Variants in TTLL6 observed in about 807,000 individuals in gnomAD.
TTLL6 encodes the protein tubulin tyrosine ligase like 6.
Under a neutral mutation model 96.4 loss-of-function variants are expected in TTLL6, and 75 were observed. That is an observed-to-expected ratio of 0.78 (90% CI 0.65 to 0.94). The LOEUF is 0.94. Ranked by LOEUF, TTLL6 falls within the 40% of genes least tolerant of loss-of-function variation. The pLI is 0.00. For synonymous variants in TTLL6, 411 were observed against 419.4 expected, an observed-to-expected ratio of 0.98 and a Z score of 0.24; for missense variants, 1,030 against 1,093.0, an observed-to-expected ratio of 0.94 and a Z score of 0.81.
chr17:48,805,821 A>G (rs1321393534), intron 1 of TTLL6, among the ~76,000 whole-genome samples: 21 of 151,286 alleles, frequency 1.4e-4, no homozygotes, highest in Non-Finnish European at 4.4e-5. Flanking sequence ...AAAAATACAA[A>G]AAAAAAGGCT....
At position 48,817,099 on chromosome 17, in the gene TTLL6, C is replaced by T; in HGVS notation, c.-27G>A. 1 of 1,515,402 alleles carries T rather than the reference C, an allele frequency of 6.6e-7. No homozygotes were observed. Among genetic ancestry groups the T allele is most frequent in the Non-Finnish European group, 8.9e-7 (1 of 1,129,332 alleles). 93.9% of individuals were successfully genotyped at this position (1,515,402 alleles called of 1,614,324 possible). A position where few individuals can be genotyped will look rare whatever the true frequency, so the allele number is the denominator to read the frequency against. On this transcript the variant is annotated 5_prime_UTR_variant, in exon 1 of 16. Coordinates refer to ENST00000393382, the MANE Select transcript of TTLL6 (RefSeq NM_001130918.3). The stretch of plus-strand genomic sequence containing the variant: ...GGCTGCCAGACAGCCCCAACCCCAA[C>T]CCGCGCTCGCCCTAACTTTGGGTCC...
chr17:48,791,203 C>T (rs186982193), intron 9 of TTLL6, among the ~76,000 whole-genome samples, 175 bp downstream of exon 9: 17 of 152,258 alleles, frequency 1.1e-4, no homozygotes, highest in Non-Finnish European at 2.4e-4. Context: ...CAGCTGTCTA[C>T]CCCCCTCTGG....
At chr17:48,789,060 G>A (rs189819011) in intron 10 of TTLL6, among the ~76,000 whole-genome samples, 140 of 151,452 alleles carry the variant, frequency 9.2e-4, no homozygotes, top group African/African-American at 3.1e-3. Context: ...AGCAGGAGAC[G>A]TTAGCTCCTG....
intron 3 of TTLL6, among the ~76,000 whole-genome samples, 199 bp from the exon 4 acceptor site, chr17:48,801,842 C>G (rs1354224832): frequency 6.6e-6 from 1 of 151,726 alleles, no homozygotes; most frequent in Non-Finnish European, 1.5e-5. Context: ...TCCAGGAGTT[C>G]AAGACCAGCC....
intron 1 of TTLL6, among the ~76,000 whole-genome samples, chr17:48,805,459 G>A (rs533362062): frequency 7.9e-5 from 12 of 152,244 alleles, no homozygotes; most frequent in Non-Finnish European, 1.6e-4. Flanking sequence ...TGCAACTGCC[G>A]CTCGTGGAGT....
chr17:48,792,581 G>A (rs763045842), intron 8 of TTLL6, among the ~76,000 whole-genome samples: 10 of 152,172 alleles, frequency 6.6e-5, no homozygotes, highest in Non-Finnish European at 1.3e-4. Flanking sequence ...ATGAGCATTT[G>A]ATAAGGGCCT....
At chr17:48,790,393 C>T (rs1243128958) in intron 9 of TTLL6, among the ~76,000 whole-genome samples, 1 of 152,178 alleles carries the variant, frequency 6.6e-6, no homozygotes, top group East Asian at 1.9e-4. Context: ...TGCATGTGTT[C>T]TCTCATATGC....
At chr17:48,766,065 A>C (rs750559297) in intron 15 of TTLL6, among the ~76,000 whole-genome samples, 1 of 152,252 alleles carries the variant, frequency 6.6e-6, no homozygotes, top group East Asian at 1.9e-4. Context: ...GTTGCTAAAA[A>C]GTGACACGAA....
chr17:48,801,775 C>T, intron 3 of TTLL6, 132 bp from the exon 4 acceptor site: 1 of 658,510 alleles, frequency 1.5e-6, no homozygotes, highest in African/African-American at 1.8e-5. Flanking sequence ...TGGAAGCCAT[C>T]TTGCCCTCTC....
At chr17:48,785,356 T>A (rs564401974) in intron 12 of TTLL6, among the ~76,000 whole-genome samples, 155 bp from the exon 13 acceptor site, 1 of 152,158 alleles carries the variant, frequency 6.6e-6, no homozygotes, top group East Asian at 1.9e-4. Flanking sequence ...AACTTGGAAT[T>A]CTGGGACCCT....
chr17:48,778,165 T>C (rs2143261691), intron 13 of TTLL6, among the ~76,000 whole-genome samples: 1 of 151,518 alleles, frequency 6.6e-6, no homozygotes, highest in East Asian at 2.0e-4. Context: ...TAGTCCCAGC[T>C]ACTTGGGAGG....
chr17:48,807,212 C>G (rs930426318), intron 1 of TTLL6, among the ~76,000 whole-genome samples: 2 of 151,532 alleles, frequency 1.3e-5, no homozygotes, highest in East Asian at 2.0e-4. Flanking sequence ...CTCAGCCTCC[C>G]GAGTAGCTGG....
Position 48,786,221 on chromosome 17 carries a change from C to T in TTLL6, c.1704G>A (p.Arg568=). The T allele has an allele frequency of 6.2e-7, 1 of 1,614,204 alleles. No individual in the cohort carries two copies. Among genetic ancestry groups the T allele is most frequent in the South Asian group, 1.1e-5 (1 of 91,078 alleles). The change falls in exon 12 of 16, where the codon AGG becomes AGA. Residue 568 remains arginine (R), a synonymous_variant. Transcript: ENST00000393382. ...AGEQVRKKGM[R]GWQQKQQQKD... is the part of the protein sequence containing the mutation. ...TCTGCTGTTGTTTCTGTTGCCAGCC[C>T]CTCATGCCCTTCTTTCTCACTTGCT...
intron 13 of TTLL6, among the ~76,000 whole-genome samples, chr17:48,777,709 C>T (rs1057038811): frequency 6.2e-5 from 9 of 145,306 alleles, no homozygotes; most frequent in Admixed American, 1.4e-4. Context: ...CAAGCCTGGG[C>T]GACAGAGTGA....
intron 2 of TTLL6, 90 bp downstream of exon 2, chr17:48,804,682 C>G: frequency 8.9e-7 from 1 of 1,118,986 alleles, no homozygotes; most frequent in Non-Finnish European, 1.3e-6. Flanking sequence ...TTCTCCTTTA[C>G]TCTCTCATCA....
chr17:48,804,385 C>T, intron 2 of TTLL6: 1 of 489,236 alleles, frequency 2.0e-6, no homozygotes. Flanking sequence ...TAAACAAGAA[C>T]TGGAATGCAC....
intron 1 of TTLL6, among the ~76,000 whole-genome samples, chr17:48,811,068 CTTTTTTT>C (rs35618180): frequency 1.8e-5 from 2 of 110,550 alleles, no homozygotes; most frequent in African/African-American, 6.7e-5. Flanking sequence ...TATTATTTTT[CTTTTTTT>C]TTTTTTTTTT....
intron 7 of TTLL6, 58 bp downstream of exon 7, chr17:48,797,003 T>C: frequency 1.4e-6 from 2 of 1,454,460 alleles, no homozygotes; most frequent in Non-Finnish European, 9.1e-7. Flanking sequence ...AACTAGAATT[T>C]TTTTTTTTTT....
intron 1 of TTLL6, among the ~76,000 whole-genome samples, chr17:48,807,453 T>C (rs188119077): frequency 6.6e-6 from 1 of 152,232 alleles, no homozygotes; most frequent in Non-Finnish European, 1.5e-5. Flanking sequence ...TATTTGCTTT[T>C]TGTCCACTTA....
Sources: allele counts gnomAD v4.1 joint callset (sites outside exome capture counted in the v4.1 genomes callset), GRCh38; gene constraint gnomAD v4.1.1; transcripts MANE v1.5; gene names NCBI Gene and HGNC (gene_info 2026-07-23, HGNC 2026-07-21).